Variants in SGCD observed in about 807,000 individuals in gnomAD.
SGCD encodes the protein delta-sarcoglycan.
In SGCD, 18 loss-of-function variants were observed where a neutral mutation model predicts 36.6. The ratio of observed to expected loss-of-function variants is 0.49; its 90% CI spans 0.34 to 0.73. The LOEUF is 0.73. SGCD is among the 30% of genes least tolerant of loss of function. SGCD has a pLI of 0.01. For missense variants in SGCD, 387 were observed against 346.7 expected, an observed-to-expected ratio of 1.12 and a Z score of -0.92; for synonymous variants, 133 against 130.6, an observed-to-expected ratio of 1.02 and a Z score of -0.12.
At chr5:156,108,580 C>A (rs1480949371) in intron 1 of SGCD, among the ~76,000 whole-genome samples, 1 of 152,070 alleles carries the variant, frequency 6.6e-6, no homozygotes, top group Non-Finnish European at 1.5e-5. Flanking sequence ...ATGACACATT[C>A]ATAATTTCAT....
intron 1 of SGCD, among the ~76,000 whole-genome samples, chr5:156,000,069 A>G (rs1468580544): frequency 6.6e-6 from 1 of 152,230 alleles, no homozygotes; most frequent in Non-Finnish European, 1.5e-5. Context: ...ATAGAAGTGC[A>G]CATAGCTTCA....
the SGCD span, among the ~76,000 whole-genome samples, chr5:155,733,477 C>G: frequency 6.6e-5 from 10 of 152,226 alleles, no homozygotes; most frequent in South Asian, 1.5e-3. Flanking sequence ...TGCTTTTAAC[C>G]CTGACCTCTT....
chr5:156,517,926 A>G (rs1464289664), intron 4 of SGCD, among the ~76,000 whole-genome samples: 1 of 152,176 alleles, frequency 6.6e-6, no homozygotes, highest in Non-Finnish European at 1.5e-5. Flanking sequence ...TGAAGCAACT[A>G]CACCAACAAG....
intron 4 of SGCD, among the ~76,000 whole-genome samples, chr5:156,510,301 G>A (rs1469571619): frequency 6.6e-6 from 1 of 152,186 alleles, no homozygotes; most frequent in African/African-American, 2.4e-5. Flanking sequence ...ACCCTAGAAG[G>A]AGTAATGAGG....
chr5:156,637,953 C>T lies in SGCD; in HGVS notation c.503-9511C>T, dbSNP rs116690352. 5.6e-3 allele frequency among the ~76,000 whole-genome samples: 849 copies of T among 151,756 alleles called. 8 individuals carry two copies. Among genetic ancestry groups the T allele is most frequent in the African/African-American group, 0.018 (763 of 41,376 alleles). ...TCAGGTCATCATCATCTTCATCTCT[C>T]GTAAATGATTTTGTAAGTTTCTCCA... On this transcript the variant is annotated intron_variant, in intron 6 of 8. Transcript: ENST00000337851.
At chr5:156,462,841 C>A (rs1331886183) in intron 3 of SGCD, among the ~76,000 whole-genome samples, 2 of 151,922 alleles carry the variant, frequency 1.3e-5, no homozygotes, top group African/African-American at 4.8e-5. Flanking sequence ...ATTTTTGCAC[C>A]ACCCTAATAG....
At chr5:155,838,771 T>C in the SGCD span, among the ~76,000 whole-genome samples, 1 of 101,248 alleles carries the variant, frequency 9.9e-6, no homozygotes, top group African/African-American at 3.8e-5. Context: ...ATTAAAGAGA[T>C]TTGCAAAAAA....
chr5:156,099,416 TG>T (rs1386933707), intron 1 of SGCD, among the ~76,000 whole-genome samples: 2 of 152,038 alleles, frequency 1.3e-5, no homozygotes, highest in Non-Finnish European at 2.9e-5. Context: ...TTCCTTTTTT[TG>T]TTGTTGTTTT....
chr5:156,205,468 C>A (rs1001205090), intron 3 of SGCD, among the ~76,000 whole-genome samples: 2 of 152,154 alleles, frequency 1.3e-5, no homozygotes, highest in East Asian at 3.9e-4. Context: ...TAGATTGTTG[C>A]AGATTTTGAA....
At position 156,533,668 on chromosome 5, in the gene SGCD, T is replaced by A. The variant is rs546395729; in HGVS notation, c.294+24966T>A. On this transcript the variant is annotated intron_variant, in intron 4 of 8. Transcript: ENST00000337851. ...TGACTCTTTTCTTAGGTTTTCCAAT[T>A]GTCCAAATACCTGTGCCACTCTAGA... 8.5e-5 allele frequency among the ~76,000 whole-genome samples: 13 copies of A among 152,320 alleles called. No homozygotes were observed. In the South Asian group the frequency reaches 2.3e-3, roughly 27 times the overall value.
In SGCD at chr5:156,536,589, G is replaced by GTGTTTGTTTGTT. The variant is rs111527710; in HGVS notation, c.294+27905_294+27916dup. Among the ~76,000 whole-genome samples the GTGTTTGTTTGTT allele has an allele frequency of 2.1e-3, 316 of 151,540 alleles. 1 individual carries two copies. The highest frequency in any genetic ancestry group is 7.2e-3 in the African/African-American group (298 of 41,196). On this transcript the variant is annotated intron_variant, in intron 4 of 8. Coordinates refer to ENST00000337851, the MANE Select transcript of SGCD (RefSeq NM_000337.6). Reference sequence around the variant, plus strand: ...CATCACTGATCCTTTAAGCTTTGAGGTGTTTGTTTGTTTGTTTGTTTGTTT... The same window carrying GTGTTTGTTTGTT: ...CATCACTGATCCTTTAAGCTTTGAGGTGTTTGTTTGTTTGTTTGTTTGTTTGTTTGTTTGTTT...
intron 3 of SGCD, among the ~76,000 whole-genome samples, chr5:156,256,981 C>A (rs1437092781): frequency 6.6e-6 from 1 of 151,928 alleles, no homozygotes; most frequent in Admixed American, 6.6e-5. Context: ...GAGTTGAAGA[C>A]CAACCTGGGC....
chr5:156,256,593 G>C (rs773607892), intron 3 of SGCD, among the ~76,000 whole-genome samples: 29 of 152,120 alleles, frequency 1.9e-4, no homozygotes, highest in Admixed American at 1.9e-3. Context: ...TTCATTTCCC[G>C]TTCTTAGTAA....
At chr5:156,015,962 A>G (rs767775813) in intron 1 of SGCD, among the ~76,000 whole-genome samples, 3 of 151,624 alleles carry the variant, frequency 2.0e-5, no homozygotes, top group Non-Finnish European at 4.4e-5. Context: ...TGCAGTTCCA[A>G]TGATTTCTTA....
chr5:155,883,039 G>A (rs1018751967), intron 1 of SGCD, among the ~76,000 whole-genome samples: 9 of 152,248 alleles, frequency 5.9e-5, no homozygotes, highest in South Asian at 2.1e-4. Context: ...TTATGCTATA[G>A]AGATGGCTTT....
the SGCD span, among the ~76,000 whole-genome samples, chr5:155,767,682 A>G: frequency 0.86 from 130,556 of 152,152 alleles, 56,132 homozygotes; most frequent in East Asian, 0.99. Context: ...CCTGAAGGCT[A>G]CTGACAGAGT....
At chr5:156,423,154 ATTT>A in intron 3 of SGCD, among the ~76,000 whole-genome samples, 1 of 47,826 alleles carries the variant, frequency 2.1e-5, no homozygotes, top group Non-Finnish European at 3.5e-5. Flanking sequence ...TTAATTAATT[ATTT>A]AAATATTATA....
intron 1 of SGCD, among the ~76,000 whole-genome samples, chr5:155,905,525 T>C (rs2113345786): frequency 6.6e-6 from 1 of 152,208 alleles, no homozygotes; most frequent in Non-Finnish European, 1.5e-5. Context: ...TGCAGCTAAG[T>C]TCTCACGTGC....
chr5:156,272,182 A>T (rs1766198787), intron 3 of SGCD, among the ~76,000 whole-genome samples: 1 of 151,290 alleles, frequency 6.6e-6, no homozygotes. Flanking sequence ...TCTTCCCCCC[A>T]CTCTGTGAGT....
Sources: gnomAD v4.1 joint callset for allele counts (sites outside exome capture counted in the v4.1 genomes callset) on GRCh38, gnomAD v4.1.1 for gene constraint, MANE v1.5 for transcripts, NCBI Gene and HGNC (gene_info 2026-07-23, HGNC 2026-07-21) for gene names.